ANKRD30B: variants seen among roughly 807,000 people sequenced by gnomAD.
The protein encoded by ANKRD30B is ankyrin repeat domain-containing protein 30B.
In ANKRD30B, 144 loss-of-function variants were observed where a neutral mutation model predicts 202.2. The observed-to-expected ratio is 0.71, with a 90% CI of 0.62 to 0.82. The LOEUF is 0.82. ANKRD30B is among the 40% of genes least tolerant of loss of function. The probability of loss-of-function intolerance (pLI) is 0.00; values close to 1 mark genes in which losing one functional copy is unlikely to be tolerated. For missense variants in ANKRD30B, 1,487 were observed against 1,669.1 expected (o/e 0.89, Z 1.90); for synonymous variants, 508 against 561.3 (o/e 0.91, Z 1.34).
intron 10 of ANKRD30B, 35 bp from the exon 11 acceptor site, chr18:14,779,925 G>A (rs773681562): frequency 1.4e-6 from 2 of 1,390,782 alleles, no homozygotes; most frequent in Non-Finnish European, 2.0e-6. Context: ...AATAAGGAAT[G>A]CTCTCATGAA....
chr18:14,820,276 G>A (rs1434258410), intron 30 of ANKRD30B, among the ~76,000 whole-genome samples: 3 of 152,134 alleles, frequency 2.0e-5, no homozygotes, highest in Non-Finnish European at 4.4e-5. Context: ...AGACAATGGG[G>A]TTTTCTAGAT....
chr18:14,865,864 TCGGTGAGCAGATA>T, the ANKRD30B span, among the ~76,000 whole-genome samples: 1 of 152,144 alleles, frequency 6.6e-6, no homozygotes, highest in Non-Finnish European at 1.5e-5. Context: ...TCAGAGCAGC[TCGGTGAGCAGATA>T]CAGAAGAACC....
At chr18:14,915,712 A>G in the ANKRD30B span, 1 of 152,214 alleles carries the variant, frequency 6.6e-6, no homozygotes, top group Non-Finnish European at 1.5e-5. Flanking sequence ...TTGATTACTT[A>G]CAATAAATGC....
At chr18:14,858,642 A>T (rs1972137416), downstream of ANKRD30B, among the ~76,000 whole-genome samples, 1 of 126,858 alleles carries the variant, frequency 7.9e-6, no homozygotes, top group African/African-American at 3.0e-5. Flanking sequence ...CTCACCTACC[A>T]GACGAAGGGC....
chr18:14,909,572 A>AT, the ANKRD30B span, among the ~76,000 whole-genome samples: 9 of 151,622 alleles, frequency 5.9e-5, no homozygotes, highest in South Asian at 4.2e-4. Context: ...CATTCTAGCT[A>AT]TTTTTTTGTA....
At chr18:14,853,116 T>C (rs1224429016) in intron 42 of ANKRD30B, among the ~76,000 whole-genome samples, 1 of 151,984 alleles carries the variant, frequency 6.6e-6, no homozygotes, top group Non-Finnish European at 1.5e-5. Context: ...CTGGTATTCA[T>C]AATTTATTTT....
At chr18:14,826,722 C>CACACACACAA (rs1387098004) in intron 32 of ANKRD30B, among the ~76,000 whole-genome samples, 1 of 150,356 alleles carries the variant, frequency 6.7e-6, no homozygotes, top group Non-Finnish European at 1.5e-5. Context: ...CACACACACA[C>CACACACACAA]ACACAAGTAC....
chr18:14,919,202 A>G, the ANKRD30B span, among the ~76,000 whole-genome samples: 2 of 152,242 alleles, frequency 1.3e-5, no homozygotes, highest in African/African-American at 4.8e-5. Context: ...AGTGTTCTTC[A>G]AAGCACCTCA....
At position 14,831,051 on chromosome 18, in the gene ANKRD30B, G is replaced by A. The variant is rs1266816317; in HGVS notation, c.2775-332G>A. Among the ~76,000 whole-genome samples, 58 of 151,496 alleles carry A rather than the reference G, an allele frequency of 3.8e-4. 1 individual carries two copies. The East Asian group carries it at 0.01, about 27-fold the overall frequency. On this transcript the variant is annotated intron_variant, in intron 33 of 43. Coordinates refer to ENST00000690538, the MANE Select transcript of ANKRD30B (RefSeq NM_001367607.2). The stretch of plus-strand genomic sequence containing the variant: ...CAAAAAATTAGCCGGGCGCAGTGGC[G>A]GGCTCCAGCCCCAGCTACTGGGGAG...
chr18:14,919,970 G>A, the ANKRD30B span, among the ~76,000 whole-genome samples: 1 of 152,198 alleles, frequency 6.6e-6, no homozygotes, highest in East Asian at 1.9e-4. Flanking sequence ...CTGCTTTCCT[G>A]CACAGGCCTC....
chr18:14,769,740 T>A (rs1262449060), intron 8 of ANKRD30B, among the ~76,000 whole-genome samples: 1 of 152,226 alleles, frequency 6.6e-6, no homozygotes, highest in African/African-American at 2.4e-5. Context: ...ATTGGATCAA[T>A]TCACAAAGTT....
the ANKRD30B span, among the ~76,000 whole-genome samples, chr18:14,940,980 C>T: frequency 6.6e-6 from 1 of 152,120 alleles, no homozygotes; most frequent in Non-Finnish European, 1.5e-5. Flanking sequence ...CCCACAGCAC[C>T]TGAGCTTAGG....
chr18:14,935,665 T>C, the ANKRD30B span, among the ~76,000 whole-genome samples: 14 of 152,256 alleles, frequency 9.2e-5, no homozygotes, highest in Non-Finnish European at 1.8e-4. Flanking sequence ...ATGTGCATGA[T>C]GCTTGCATAC....
At chr18:14,888,781 T>A in the ANKRD30B span, 2 of 1,138,070 alleles carry the variant, frequency 1.8e-6, no homozygotes, top group Admixed American at 4.2e-5. Flanking sequence ...GAATCCCCTT[T>A]TGATTTAAGG....
chr18:14,866,781 G>A, the ANKRD30B span, among the ~76,000 whole-genome samples: 1 of 152,012 alleles, frequency 6.6e-6, no homozygotes, highest in Non-Finnish European at 1.5e-5. Flanking sequence ...AGTGGGGCAG[G>A]TTCACTGCGC....
chr18:14,888,342 A>C, the ANKRD30B span, among the ~76,000 whole-genome samples: 1 of 152,006 alleles, frequency 6.6e-6, no homozygotes, highest in African/African-American at 2.4e-5. Context: ...TATAGCAGCC[A>C]TTTTATAAGC....
At chr18:14,775,179 A>T (rs534066321) in intron 9 of ANKRD30B, among the ~76,000 whole-genome samples, 1 of 152,364 alleles carries the variant, frequency 6.6e-6, no homozygotes, top group Admixed American at 6.5e-5. Flanking sequence ...ATCAGAACAT[A>T]CTTTATAATC....
the ANKRD30B span, among the ~76,000 whole-genome samples, chr18:14,869,611 CTG>C: frequency 6.6e-6 from 1 of 151,982 alleles, no homozygotes; most frequent in Non-Finnish European, 1.5e-5. Context: ...TTTTACAAAT[CTG>C]TTTGCAAAAT....
chr18:14,836,727 T>C (rs1971191808), intron 34 of ANKRD30B, among the ~76,000 whole-genome samples: 1 of 152,078 alleles, frequency 6.6e-6, no homozygotes, highest in Non-Finnish European at 1.5e-5. Context: ...TTGCTCTGAC[T>C]GTGTTCCAGT....
Sources: gnomAD v4.1 joint callset for allele counts (sites outside exome capture counted in the v4.1 genomes callset) on GRCh38, gnomAD v4.1.1 for gene constraint, MANE v1.5 for transcripts, NCBI Gene and HGNC (gene_info 2026-07-23, HGNC 2026-07-21) for gene names.